Variants in ENTREP2 observed in about 807,000 individuals in gnomAD.
The protein encoded by ENTREP2 is protein ENTREP2.
chr15:29,361,398 T>C, the ENTREP2 span, among the ~76,000 whole-genome samples: 2 of 152,350 alleles, frequency 1.3e-5, no homozygotes, highest in African/African-American at 4.8e-5. Flanking sequence ...AAGCACCAGG[T>C]AGGCACCAGT....
the ENTREP2 span, among the ~76,000 whole-genome samples, chr15:29,186,919 T>A: frequency 3.3e-5 from 5 of 152,324 alleles, no homozygotes; most frequent in Admixed American, 1.3e-4. Flanking sequence ...TTTTCTGTCA[T>A]TTCAGCTAGG....
At chr15:29,444,154 CAG>C in the ENTREP2 span, among the ~76,000 whole-genome samples, 4 of 54,872 alleles carry the variant, frequency 7.3e-5, no homozygotes, top group African/African-American at 2.0e-4. Context: ...GAAAGACAGA[CAG>C]AAAGAAAGAC....
At chr15:29,156,601 A>C in the ENTREP2 span, among the ~76,000 whole-genome samples, 1 of 152,106 alleles carries the variant, frequency 6.6e-6, no homozygotes, top group Admixed American at 6.5e-5. Flanking sequence ...CAGGGCAGTG[A>C]CCCGTGAGGC....
At chr15:29,280,988 C>T in the ENTREP2 span, among the ~76,000 whole-genome samples, 2 of 152,114 alleles carry the variant, frequency 1.3e-5, no homozygotes, top group African/African-American at 2.4e-5. Context: ...TAAAAATGTA[C>T]CCGTGAAATT....
chr15:29,252,471 A>C, the ENTREP2 span: 3 of 1,544,766 alleles, frequency 1.9e-6, no homozygotes, highest in Non-Finnish European at 2.6e-6. Flanking sequence ...CAGCATGAAA[A>C]AGGTTATCTG....
the ENTREP2 span, among the ~76,000 whole-genome samples, chr15:29,139,499 GA>G: frequency 6.6e-6 from 1 of 152,168 alleles, no homozygotes; most frequent in East Asian, 1.9e-4. Flanking sequence ...TCAGAAATTA[GA>G]AAAAATATCA....
chr15:29,290,935 A>C, the ENTREP2 span, among the ~76,000 whole-genome samples: 1 of 152,172 alleles, frequency 6.6e-6, no homozygotes, highest in Admixed American at 6.5e-5. Context: ...ACTTAATCCC[A>C]GTGTTCACAG....
chr15:29,437,183 T>C, the ENTREP2 span, among the ~76,000 whole-genome samples: 1 of 152,162 alleles, frequency 6.6e-6, no homozygotes, highest in African/African-American at 2.4e-5. Flanking sequence ...TGAAAAGAAA[T>C]GATGGCTTTT....
At chr15:29,668,676 A>T in the ENTREP2 span, among the ~76,000 whole-genome samples, 1 of 152,170 alleles carries the variant, frequency 6.6e-6, no homozygotes, top group South Asian at 2.1e-4. Context: ...TGCTTTGTAC[A>T]TGCTGAACTG....
At chr15:29,393,064 G>A in the ENTREP2 span, among the ~76,000 whole-genome samples, 34 of 152,214 alleles carry the variant, frequency 2.2e-4, no homozygotes, top group African/African-American at 8.2e-4. Flanking sequence ...TCATCTATAT[G>A]ACTGTGTTGA....
At chr15:29,231,679 AATT>A in the ENTREP2 span, among the ~76,000 whole-genome samples, 2 of 152,068 alleles carry the variant, frequency 1.3e-5, no homozygotes, top group Non-Finnish European at 2.9e-5. Flanking sequence ...GTTTTGCCTT[AATT>A]ATTCTTCATT....
At chr15:29,527,447 A>G in the ENTREP2 span, among the ~76,000 whole-genome samples, 1 of 152,194 alleles carries the variant, frequency 6.6e-6, no homozygotes, top group Non-Finnish European at 1.5e-5. Context: ...TTCCTAGAAA[A>G]ATAATCCCAA....
At chr15:29,486,187 CACAA>C in the ENTREP2 span, among the ~76,000 whole-genome samples, 7 of 151,658 alleles carry the variant, frequency 4.6e-5, no homozygotes, top group East Asian at 3.9e-4. Flanking sequence ...GACACACACA[CACAA>C]ACACACAATA....
chr15:29,492,410 T>C, the ENTREP2 span, among the ~76,000 whole-genome samples: 1 of 152,240 alleles, frequency 6.6e-6, no homozygotes, highest in Non-Finnish European at 1.5e-5. Flanking sequence ...ATGATTACGA[T>C]ATCATGTGAT....
At chr15:29,402,265 T>TATACACACAC in the ENTREP2 span, among the ~76,000 whole-genome samples, 1 of 137,792 alleles carries the variant, frequency 7.3e-6, no homozygotes, top group African/African-American at 2.7e-5. Flanking sequence ...TATATATATA[T>TATACACACAC]ACACACACAT....
the ENTREP2 span, among the ~76,000 whole-genome samples, chr15:29,328,633 TG>T: frequency 6.6e-6 from 1 of 152,204 alleles, no homozygotes; most frequent in Non-Finnish European, 1.5e-5. Context: ...GTTTCCCAGG[TG>T]GGCAGTGGTT....
chr15:29,500,894 T>A, the ENTREP2 span, among the ~76,000 whole-genome samples: 3 of 151,792 alleles, frequency 2.0e-5, no homozygotes, highest in Non-Finnish European at 2.9e-5. Flanking sequence ...AAATCAGGAA[T>A]GAAAGAGAGA....
chr15:29,618,577 G>A, the ENTREP2 span, among the ~76,000 whole-genome samples: 2 of 152,272 alleles, frequency 1.3e-5, no homozygotes, highest in East Asian at 1.9e-4. Context: ...AAATCAATGC[G>A]AAAACCTTTG....
the ENTREP2 span, among the ~76,000 whole-genome samples, chr15:29,604,825 T>TTGATGTGAA: frequency 6.6e-6 from 1 of 152,210 alleles, no homozygotes; most frequent in South Asian, 2.1e-4. Context: ...TCAGTAGTGC[T>TTGATGTGAA]GTCCCGTGAA....
Sources: allele counts gnomAD v4.1 joint callset (sites outside exome capture counted in the v4.1 genomes callset), GRCh38; gene constraint gnomAD v4.1.1; transcripts MANE v1.5; gene names NCBI Gene and HGNC (gene_info 2026-07-23, HGNC 2026-07-21).